AP3B2: variants seen among roughly 807,000 people sequenced by gnomAD.
AP3B2 encodes the protein adaptor related protein complex 3 subunit beta 2.
Under a neutral mutation model 126.9 loss-of-function variants are expected in AP3B2, and 50 were observed. The observed-to-expected ratio is 0.39, with a 90% CI of 0.31 to 0.50. The LOEUF (loss-of-function observed/expected upper bound fraction) is 0.50. AP3B2 is among the 20% of genes least tolerant of loss of function. The pLI is 0.79. For synonymous variants in AP3B2, 541 were observed against 565.0 expected, an observed-to-expected ratio of 0.96 and a Z score of 0.60; for missense variants, 1,177 against 1,426.4, an observed-to-expected ratio of 0.83 and a Z score of 2.82.
chr15:82,704,452 C>T (rs2048765919), intron 1 of AP3B2, among the ~76,000 whole-genome samples: 1 of 152,220 alleles, frequency 6.6e-6, no homozygotes, highest in African/African-American at 2.4e-5. Context: ...ATCTCCAGTA[C>T]ACAAGAACTT....
chr15:82,689,888 A>G (rs2048495711), intron 1 of AP3B2: 2 of 165,472 alleles, frequency 1.2e-5, no homozygotes, highest in Non-Finnish European at 2.6e-5. Flanking sequence ...GGATCACTTG[A>G]GCCCTGGAGT....
At chr15:82,675,335 C>T (rs1596177121) in intron 14 of AP3B2, among the ~76,000 whole-genome samples, 1 of 152,300 alleles carries the variant, frequency 6.6e-6, no homozygotes, top group South Asian at 2.1e-4. Flanking sequence ...TGCTGCTGTC[C>T]TTTGACTCCT....
intron 26 of AP3B2, 58 bp downstream of exon 26, chr15:82,659,786 TC>T: frequency 6.2e-7 from 1 of 1,609,226 alleles, no homozygotes; most frequent in Non-Finnish European, 8.5e-7. Context: ...CAGCTGGGGC[TC>T]CTCCTTCAAA....
chr15:82,659,314 A>T lies in AP3B2; in HGVS notation c.*246T>A. On this transcript the variant is annotated 3_prime_UTR_variant, in exon 27 of 27. Coordinates refer to ENST00000535359, the MANE Select transcript of AP3B2 (RefSeq NM_001278512.2). ...AGACATTTTATTGAGCCTGCTACAT[A>T]AATAGCTACAGAAATCTGGGAGGAC... 2.1e-6 allele frequency: 1 copy of T among 467,570 alleles called. No homozygotes were observed. Among genetic ancestry groups the T allele is most frequent in the Non-Finnish European group, 3.8e-6 (1 of 262,640 alleles). The allele number at this position is 467,570 out of a possible 1,614,324, so 29.0% of individuals were successfully genotyped here. A position where few individuals can be genotyped will look rare whatever the true frequency, so the allele number is the denominator to read the frequency against.
Position 82,664,578 on chromosome 15 carries a change from G to A in AP3B2, c.2138-88C>T. 1 of 1,514,776 alleles carries A rather than the reference G, an allele frequency of 6.6e-7. No homozygotes were observed. The highest frequency in any genetic ancestry group is 8.9e-7 in the Non-Finnish European group (1 of 1,122,828). The allele number at this position is 1,514,776 out of a possible 1,614,324, so 93.8% of individuals were successfully genotyped here. On this transcript the variant is annotated intron_variant, in intron 18 of 26. Transcript: ENST00000535359. The surrounding 1 kb of genome is among the most constrained non-coding windows in gnomAD (Gnocchi z 4.5). ...CACCTGGGTTCCACCTTCACATTCA[G>A]TACTGAACCCTCAAACCTCTCTGAC... is the stretch of plus-strand genomic sequence containing the variant.
intron 4 of AP3B2, chr15:82,687,310 G>GT (rs1485978407): frequency 6.6e-6 from 1 of 152,210 alleles, no homozygotes; most frequent in East Asian, 1.9e-4. Context: ...AAATTGAGTA[G>GT]TTGCATAGTT....
At chr15:82,704,799 G>C (rs1053848775) in intron 1 of AP3B2, among the ~76,000 whole-genome samples, 2 of 152,240 alleles carry the variant, frequency 1.3e-5, no homozygotes, top group African/African-American at 2.4e-5. Context: ...ACAGTGGAGG[G>C]TAAGTCCGTC....
In AP3B2 at chr15:82,659,697, T is replaced by A; in HGVS notation, c.3169A>T (p.Thr1057Ser). ...TSDEYRFAGR[T>S]LTGGSLVLLT... ...AGAACGAGGCTTCCACCAGTCAGTG[T>A]CCTCCCTGCAAACCTGAGGTGGGAA... The change falls in exon 27 of 27, where the codon ACA (threonine) becomes TCA (serine). Residue 1057 changes from threonine (T) to serine (S), a missense_variant. Thr to Ser is a moderately conservative substitution (Grantham distance 58). This residue lies in a region of AP3B2 where 587 missense variants were observed against 571.3 expected (regional missense o/e 1.03). Transcript: ENST00000535359. The A allele has an allele frequency of 6.2e-7, 1 of 1,613,722 alleles. No individual in the cohort carries two copies. Among genetic ancestry groups the A allele is most frequent in the Non-Finnish European group, 8.5e-7 (1 of 1,179,794 alleles).
At chr15:82,696,946 T>C (rs1385364774) in intron 1 of AP3B2, among the ~76,000 whole-genome samples, 1 of 152,186 alleles carries the variant, frequency 6.6e-6, no homozygotes, top group Non-Finnish European at 1.5e-5. Context: ...GTGTGGGGAC[T>C]CACACACACT....
Position 82,671,979 on chromosome 15 carries a change from GGTT to G in AP3B2, c.1665+4479_1665+4481del, listed in dbSNP as rs774301965. The stretch of plus-strand genomic sequence containing the variant: ...GAATCGTTTGAACCTGGGAGGCGGA[GGTT>G]GCAGTGAGCTGAGATCATGCCATTG... On this transcript the variant is annotated intron_variant, in intron 14 of 26. Transcript: ENST00000535359. Among the ~76,000 whole-genome samples, 178 of 152,256 alleles carry G rather than the reference GGTT, an allele frequency of 1.2e-3. 1 individual carries two copies. The highest frequency in any genetic ancestry group is 2.0e-3 in the Non-Finnish European group (135 of 68,016).
In AP3B2 at chr15:82,709,620, G is replaced by C; in HGVS notation, c.87C>G (p.Gly29=). 6.6e-7 allele frequency: 1 copy of C among 1,513,740 alleles called. No individual in the cohort carries two copies. Among genetic ancestry groups the C allele is most frequent in the Non-Finnish European group, 8.8e-7 (1 of 1,133,018 alleles). The allele number at this position is 1,513,740 out of a possible 1,614,324, so 93.8% of individuals were successfully genotyped here. ...GCTTGTAGTCGGAGGAGAAGATGCC[G>C]CCGCTCGCGGGGTCGTGGCCGTACT... ...EPEYGHDPAS[G]GIFSSDYKRH... Residue 29 remains glycine, a synonymous_variant, in exon 1 of 27, where the codon GGC becomes GGG. Coordinates refer to ENST00000535359, the MANE Select transcript of AP3B2 (RefSeq NM_001278512.2).
At chr15:82,677,629 A>G (rs1250601105) in intron 12 of AP3B2, 42 bp downstream of exon 12, 2 of 1,490,422 alleles carry the variant, frequency 1.3e-6, no homozygotes, top group East Asian at 4.9e-5. Context: ...GCAGGCAGAC[A>G]CCCTCTGATC....
intron 1 of AP3B2, among the ~76,000 whole-genome samples, chr15:82,698,881 T>C (rs1414512765): frequency 6.6e-6 from 1 of 152,084 alleles, no homozygotes; most frequent in African/African-American, 2.4e-5. Context: ...GCAGGACCAC[T>C]GGGCCTAAAG....
chr15:82,663,892 C>T lies in AP3B2; in HGVS notation c.2345G>A (p.Gly782Asp), dbSNP rs1270778897. 6.2e-7 allele frequency: 1 copy of T among 1,613,642 alleles called. No homozygotes were observed. The highest frequency in any genetic ancestry group is 1.1e-5 in the South Asian group (1 of 91,080). Residue 782 changes from glycine (G) to aspartate (D), a missense_variant, in exon 20 of 27, where the codon GGC (glycine) becomes GAC (aspartate). Gly to Asp is a moderately conservative substitution (Grantham distance 94, BLOSUM62 -1). Around this residue, in one of 5 missense-constraint regions of AP3B2, gnomAD observed 587 missense variants for 571.3 expected, o/e 1.03. Transcript: ENST00000535359. The part of the protein sequence containing the change: ...RKGEASSSDE[G>D]SDSSSSSSES... ...TGATGAGCTACTGCTGGAATCGCTG[C>T]CCTCATCAGAGGATGACGCTTCTCC...
At chr15:82,684,123 G>T (rs186145243) in intron 4 of AP3B2, among the ~76,000 whole-genome samples, 69 of 152,324 alleles carry the variant, frequency 4.5e-4, no homozygotes, top group Non-Finnish European at 7.5e-4. Flanking sequence ...TAGCTGCATT[G>T]GCCCCTAACA....
intron 14 of AP3B2, among the ~76,000 whole-genome samples, chr15:82,667,986 G>A (rs575707770): frequency 1.3e-5 from 2 of 152,128 alleles, no homozygotes; most frequent in Non-Finnish European, 2.9e-5. Context: ...ATCAGGGGCC[G>A]GCAGGAGGGA....
chr15:82,676,493 C>T lies in AP3B2; in HGVS notation c.1633G>A (p.Ala545Thr), dbSNP rs1280707439. ...DIVKLQVINL[A>T]AKLYLTNSKQ... is the part of the protein sequence containing the mutation. ...GAGTTGGTCAGGTAGAGCTTGGCTG[C>T]CAGGTTGATGACCTGCAGCTTGACA... is the stretch of plus-strand genomic sequence containing the variant. Residue 545 changes from alanine (A) to threonine (T), a missense_variant, in exon 14 of 27, where the codon GCA becomes ACA. Transcript: ENST00000535359. The T allele has an allele frequency of 6.2e-7, 1 of 1,613,984 alleles. No individual in the cohort carries two copies. Among genetic ancestry groups the T allele is most frequent in the Non-Finnish European group, 8.5e-7 (1 of 1,179,890 alleles).
chr15:82,690,668 T>TTTG (rs2048513623), intron 1 of AP3B2, among the ~76,000 whole-genome samples: 1 of 135,516 alleles, frequency 7.4e-6, no homozygotes, highest in Admixed American at 7.7e-5. Flanking sequence ...TTTTTTTTTT[T>TTTG]TGTGAGATGG....
Position 82,664,740 on chromosome 15 carries a change from CT to C in AP3B2, c.2137+94del, listed in dbSNP as rs1461495181. On this transcript the variant is annotated intron_variant, in intron 18 of 26. Transcript: ENST00000535359. The surrounding 1 kb of genome is among the most constrained non-coding windows in gnomAD (Gnocchi z 4.5). ...ACAATTCACAAGCAGGTGCACACCCCTAGACACACAACCATATACATATACC... is the reference window on the plus strand; with the variant it reads ...ACAATTCACAAGCAGGTGCACACCCCAGACACACAACCATATACATATACC... 1 of 1,066,854 alleles carries C rather than the reference CT, an allele frequency of 9.4e-7. No homozygotes were observed. The highest frequency in any genetic ancestry group is 1.6e-5 in the African/African-American group (1 of 63,450). The allele number at this position is 1,066,854 out of a possible 1,614,324, so 66.1% of individuals were successfully genotyped here. A position where few individuals can be genotyped will look rare whatever the true frequency, so the allele number is the denominator to read the frequency against.
Sources: allele counts gnomAD v4.1 joint callset (sites outside exome capture counted in the v4.1 genomes callset), GRCh38; gene constraint gnomAD v4.1.1; regional missense constraint gnomAD v4.1.1; non-coding constraint Gnocchi (gnomAD v3.1); transcripts MANE v1.5; gene names NCBI Gene and HGNC (gene_info 2026-07-23, HGNC 2026-07-21).